APOO: variants seen among roughly 807,000 people sequenced by gnomAD.
APOO encodes apolipoprotein O.
A neutral mutation model predicts 23.1 loss-of-function variants in APOO; 11 were observed. That is an observed-to-expected ratio of 0.48 (90% confidence interval 0.30 to 0.79). The LOEUF is 0.79. APOO is among the 30% of genes least tolerant of loss of function. The pLI is 0.07. For synonymous variants in APOO, 59 were observed against 54.8 expected (o/e 1.08, Z -0.34); for missense variants, 160 against 142.7 (o/e 1.12, Z -0.62).
intron 8 of APOO, among the ~76,000 whole-genome samples, chrX:23,838,645 C>G (rs927943087): frequency 2.7e-5 from 3 of 109,110 alleles, no homozygotes; most frequent in Non-Finnish European, 3.8e-5. Flanking sequence ...GTCTCGATCT[C>G]TCGACCTCGT....
chrX:23,853,509 C>T (rs1383060914), intron 7 of APOO, among the ~76,000 whole-genome samples: 3 of 110,407 alleles, frequency 2.7e-5, no homozygotes, highest in Non-Finnish European at 3.8e-5. Context: ...GAGGTTTCAC[C>T]GTGTTAGCTA....
At chrX:23,851,301 C>A (rs373694814) in intron 7 of APOO, among the ~76,000 whole-genome samples, 1 of 110,354 alleles carries the variant, frequency 9.1e-6, no homozygotes, top group Non-Finnish European at 1.9e-5. Context: ...TCAAGCAATT[C>A]TCTGCCTCAG....
intron 1 of APOO, among the ~76,000 whole-genome samples, chrX:23,903,840 C>T (rs991834271): frequency 4.5e-5 from 5 of 111,446 alleles, no homozygotes; most frequent in African/African-American, 1.6e-4. Flanking sequence ...CCTTTCTTTT[C>T]CTTCCATCTC....
chrX:23,902,153 C>A (rs1426081830), intron 1 of APOO, among the ~76,000 whole-genome samples: 1 of 111,703 alleles, frequency 9.0e-6, no homozygotes, highest in African/African-American at 3.3e-5. Context: ...GACTGGGCAT[C>A]GGGACTTTTA....
chrX:23,882,568 T>C (rs1270975447), intron 1 of APOO, among the ~76,000 whole-genome samples: 1 of 111,950 alleles, frequency 8.9e-6, no homozygotes, highest in Admixed American at 9.5e-5. Flanking sequence ...GAAATAGGAA[T>C]ATGGAGTAAG....
chrX:23,889,687 G>C (rs1367138476), intron 1 of APOO, among the ~76,000 whole-genome samples: 16 of 83,813 alleles, frequency 1.9e-4, no homozygotes, highest in African/African-American at 7.6e-4. Flanking sequence ...TTTTAAGACA[G>C]AGCCTCGCTC....
At chrX:23,850,434 G>A (rs150474379) in intron 7 of APOO, among the ~76,000 whole-genome samples, 105 of 111,943 alleles carry the variant, frequency 9.4e-4, no homozygotes, top group African/African-American at 3.2e-3. Flanking sequence ...CAGGAACCCT[G>A]GTCTAGAAAA....
rs960303544 is a variant in APOO, at chrX:23,876,435, A to G, written c.238-1978T>C. Among the ~76,000 whole-genome samples, 15 of 107,033 alleles carry G rather than the reference A, an allele frequency of 1.4e-4. No individual in the cohort carries two copies. In the Middle Eastern group the frequency reaches 0.014, roughly 101 times the overall value. The allele number at this position is 107,033 out of a possible 115,157, so 92.9% of individuals were successfully genotyped here. On this transcript the variant is annotated intron_variant, in intron 3 of 8. Coordinates refer to ENST00000379226, the MANE Select transcript of APOO (RefSeq NM_024122.5). Reference sequence around the variant, plus strand: ...TTGTCTCTACCAAAAAAAAAAAAAAAAAAGAAAAAACTTCAGATCAATATC... The same window carrying G: ...TTGTCTCTACCAAAAAAAAAAAAAAGAAAGAAAAAACTTCAGATCAATATC...
At chrX:23,889,878 G>C (rs745883034) in intron 1 of APOO, among the ~76,000 whole-genome samples, 6 of 109,687 alleles carry the variant, frequency 5.5e-5, no homozygotes, top group East Asian at 5.7e-4. Flanking sequence ...AGCCAGGATG[G>C]TCTCAATCTT....
chrX:23,871,950 A>G (rs1210858017), intron 4 of APOO, among the ~76,000 whole-genome samples: 1 of 111,990 alleles, frequency 8.9e-6, no homozygotes, highest in Non-Finnish European at 1.9e-5. Context: ...TAGGACTTGT[A>G]TTATGTTTGC....
chrX:23,884,131 T>C (rs1035085290), intron 1 of APOO: 11 of 111,559 alleles, frequency 9.9e-5, no homozygotes, highest in African/African-American at 3.6e-4. Flanking sequence ...GGGACTCGTG[T>C]GGCTCACATA....
chrX:23,839,173 C>G (rs1478672476), intron 8 of APOO, among the ~76,000 whole-genome samples: 1 of 112,037 alleles, frequency 8.9e-6, no homozygotes, highest in East Asian at 2.8e-4. Flanking sequence ...TATCTGAGAA[C>G]ATACTGATGT....
At chrX:23,861,888 C>A (rs777660340) in intron 5 of APOO, among the ~76,000 whole-genome samples, 1 of 103,890 alleles carries the variant, frequency 9.6e-6, no homozygotes, top group Admixed American at 1.1e-4. Context: ...ACTGCAACCT[C>A]TGCCTCCTGG....
At chrX:23,838,708 A>T (rs1923834497) in intron 8 of APOO, among the ~76,000 whole-genome samples, 1 of 110,923 alleles carries the variant, frequency 9.0e-6, no homozygotes, top group Non-Finnish European at 1.9e-5. Context: ...GTGAGCCACC[A>T]CACCCGGCCA....
chrX:23,889,242 G>A (rs1224527002), intron 1 of APOO, among the ~76,000 whole-genome samples: 2 of 111,853 alleles, frequency 1.8e-5, no homozygotes, highest in Admixed American at 9.6e-5. Context: ...AATCTGGTAA[G>A]GTCGTAAACA....
intron 7 of APOO, among the ~76,000 whole-genome samples, chrX:23,846,892 C>G (rs1031297962): frequency 3.6e-5 from 4 of 111,393 alleles, no homozygotes; most frequent in Non-Finnish European, 7.5e-5. Context: ...TTCTTCTGAT[C>G]ATCAAGACAC....
chrX:23,861,818 T>TC lies in APOO; in HGVS notation c.389-3086dup, dbSNP rs1454051459. On this transcript the variant is annotated intron_variant, in intron 5 of 8. Transcript: ENST00000379226. ...GTTCTTTTTTTTTTTTTTTTTTTTT[T>TC]CCCGAGACGGAGTCTTGCTCTGTTG... Among the ~76,000 whole-genome samples, 67 of 81,568 alleles carry TC rather than the reference T, an allele frequency of 8.2e-4. 1 individual carries two copies. The highest frequency in any genetic ancestry group is 3.2e-3 in the African/African-American group (65 of 20,290). 70.8% of individuals were successfully genotyped at this position (81,568 alleles called of 115,157 possible).
intron 5 of APOO, among the ~76,000 whole-genome samples, chrX:23,860,457 T>C (rs1443910268): frequency 1.8e-5 from 2 of 109,089 alleles, no homozygotes; most frequent in Non-Finnish European, 3.8e-5. Flanking sequence ...GGCATAAGGA[T>C]TGCTTGAGGC....
At chrX:23,876,888 A>G (rs930820433) in intron 3 of APOO, among the ~76,000 whole-genome samples, 3 of 112,697 alleles carry the variant, frequency 2.7e-5, no homozygotes, top group African/African-American at 9.7e-5. Flanking sequence ...AGGAACCAGG[A>G]ATTAGAAATA....
Sources: allele counts gnomAD v4.1 joint callset (sites outside exome capture counted in the v4.1 genomes callset), GRCh38; gene constraint gnomAD v4.1.1; transcripts MANE v1.5; gene names NCBI Gene and HGNC (gene_info 2026-07-23, HGNC 2026-07-21).